The following CACNA1E variants were observed in gnomAD, a reference collection of about 807,000 sequenced individuals.
CACNA1E encodes calcium voltage-gated channel subunit alpha1 E.
Under a neutral mutation model 259.2 loss-of-function variants are expected in CACNA1E, and 40 were observed. The observed-to-expected ratio is 0.15, with a 90% CI of 0.12 to 0.20. The LOEUF is 0.20. CACNA1E is among the 10% of genes least tolerant of loss of function. The pLI is 1.00. For synonymous variants in CACNA1E, 1,104 were observed against 1,138.5 expected (o/e 0.97, Z 0.61); for missense variants, 1,874 against 3,040.1 (o/e 0.62, Z 9.02).
In CACNA1E at chr1:181,775,976, C is replaced by G. The variant is rs1293761775; in HGVS notation, c.5140-125C>G. On this transcript the variant is annotated intron_variant, in intron 37 of 47. Transcript: ENST00000367573. The stretch of plus-strand genomic sequence containing the variant: ...TGCAGATCCCTGACTATTCCCTGTC[C>G]CTGCATACCTCTGTTCTGGCTCGTT... The G allele has an allele frequency of 7.3e-6, 6 of 820,222 alleles. No individual in the cohort carries two copies. In the East Asian group the frequency reaches 1.5e-4, roughly 20 times the overall value. 50.8% of individuals were successfully genotyped at this position (820,222 alleles called of 1,614,324 possible). A position where few individuals can be genotyped will look rare whatever the true frequency, so the allele number is the denominator to read the frequency against.
At chr1:181,475,702 C>T (rs544055142) in intron 2 of CACNA1E, among the ~76,000 whole-genome samples, 5 of 152,240 alleles carry the variant, frequency 3.3e-5, no homozygotes, top group South Asian at 4.1e-4. Context: ...GGGGAGCCAC[C>T]GAAGTGATGA....
At chr1:181,347,588 T>C (rs1403015196) in intron 1 of CACNA1E, among the ~76,000 whole-genome samples, 1 of 152,214 alleles carries the variant, frequency 6.6e-6, no homozygotes, top group Non-Finnish European at 1.5e-5. Context: ...GAAAGGCCCA[T>C]GCCTGCCTCT....
rs145129879 is a variant in CACNA1E, at chr1:181,781,966, T to A, written c.5364+443T>A. Among the ~76,000 whole-genome samples the A allele has an allele frequency of 2.8e-3, 421 of 152,268 alleles. 6 individuals are homozygous for A. Among genetic ancestry groups the A allele is most frequent in the Admixed American group, 8.2e-3 (126 of 15,302 alleles). On this transcript the variant is annotated intron_variant, in intron 39 of 47. Transcript: ENST00000367573. Reference sequence around the variant, plus strand: ...AATCATGCAGAAATTCCTTTAAACGTGGAATTGTTAGGAGAAAGGAAAATT... The same window carrying A: ...AATCATGCAGAAATTCCTTTAAACGAGGAATTGTTAGGAGAAAGGAAAATT...
rs1216883641 is a variant in CACNA1E at position 181,710,478 on chromosome 1, C to T, written c.1056-476C>T. 3.3e-5 allele frequency among the ~76,000 whole-genome samples: 5 copies of T among 152,132 alleles called. No individual in the cohort carries two copies. In the East Asian group the frequency reaches 9.6e-4, roughly 29 times the overall value. ...AATGGGAATTTTAATAGTATTAATACTTCATAGGATGGTCGTGAGGATGAA... is the reference window on the plus strand; with the variant it reads ...AATGGGAATTTTAATAGTATTAATATTTCATAGGATGGTCGTGAGGATGAA... On this transcript the variant is annotated intron_variant, in intron 7 of 47. Coordinates refer to ENST00000367573, the MANE Select transcript of CACNA1E (RefSeq NM_001205293.3).
intron 25 of CACNA1E, among the ~76,000 whole-genome samples, chr1:181,743,841 C>T (rs536639315): frequency 3.3e-5 from 5 of 152,346 alleles, no homozygotes; most frequent in South Asian, 4.1e-4. Flanking sequence ...TATAATTGAT[C>T]GTCAGCACAG....
At chr1:181,566,323 G>T (rs1420113171) in intron 3 of CACNA1E, among the ~76,000 whole-genome samples, 1 of 152,180 alleles carries the variant, frequency 6.6e-6, no homozygotes, top group African/African-American at 2.4e-5. Flanking sequence ...ATAAAATTGG[G>T]ATAGTGGTAC....
chr1:181,629,105 C>T (rs954849534), intron 6 of CACNA1E, among the ~76,000 whole-genome samples: 1 of 152,072 alleles, frequency 6.6e-6, no homozygotes, highest in African/African-American at 2.4e-5. Flanking sequence ...CTTCCCAGGG[C>T]AGGGGTTACT....
chr1:181,586,406 C>T (rs1186694119), intron 6 of CACNA1E, among the ~76,000 whole-genome samples: 1 of 152,050 alleles, frequency 6.6e-6, no homozygotes, highest in Non-Finnish European at 1.5e-5. Flanking sequence ...TGGCCAAAAC[C>T]ACCAAGGAAG....
In CACNA1E at chr1:181,510,136, T is replaced by G. The variant is rs1004411025; in HGVS notation, c.267-341T>G. Among the ~76,000 whole-genome samples the G allele has an allele frequency of 6.6e-5, 10 of 152,310 alleles. 1 individual carries two copies. The East Asian group carries it at 1.2e-3, about 18-fold the overall frequency. Reference sequence around the variant, plus strand: ...ATGTTTCTTCCTCCTTTCTTCCCCCTTCTATTTTCAGCCTTGGTTATTGGA... The same window carrying G: ...ATGTTTCTTCCTCCTTTCTTCCCCCGTCTATTTTCAGCCTTGGTTATTGGA... On this transcript the variant is annotated intron_variant, in intron 1 of 47. Coordinates refer to ENST00000367573, the MANE Select transcript of CACNA1E (RefSeq NM_001205293.3).
At chr1:181,720,908 A>T (rs1654359674) in intron 15 of CACNA1E, 53 bp downstream of exon 15, 1 of 1,081,800 alleles carries the variant, frequency 9.2e-7, no homozygotes, top group Admixed American at 1.9e-5. Context: ...CTTGGACTGC[A>T]CACTGCAAGA....
intron 6 of CACNA1E, among the ~76,000 whole-genome samples, chr1:181,613,563 C>T (rs1654942554): frequency 2.0e-5 from 3 of 152,066 alleles, no homozygotes; most frequent in African/African-American, 7.2e-5. Context: ...TTCTTGTTGT[C>T]CAGGCCTTCT....
At chr1:181,364,199 T>A (rs911849141) in intron 1 of CACNA1E, among the ~76,000 whole-genome samples, 1 of 152,224 alleles carries the variant, frequency 6.6e-6, no homozygotes, top group African/African-American at 2.4e-5. Flanking sequence ...ATCAAAGCCT[T>A]CCCTGACTCT....
chr1:181,383,124 G>T (rs1655585370), intron 1 of CACNA1E, among the ~76,000 whole-genome samples: 2 of 152,196 alleles, frequency 1.3e-5, no homozygotes, highest in Admixed American at 1.3e-4. Flanking sequence ...TCCCCCCGGG[G>T]CCGCATCTCT....
intron 1 of CACNA1E, among the ~76,000 whole-genome samples, chr1:181,346,115 G>A (rs147278450): frequency 3.9e-5 from 6 of 152,316 alleles, no homozygotes; most frequent in Non-Finnish European, 8.8e-5. Flanking sequence ...GTGCTGGGGG[G>A]CACTGAAGGT....
At position 181,726,099 on chromosome 1, in the gene CACNA1E, A is replaced by T. The variant is rs2102509840; in HGVS notation, c.2177A>T (p.Lys726Ile). The T allele has an allele frequency of 1.2e-6, 2 of 1,613,168 alleles. No homozygotes were observed. Among genetic ancestry groups the T allele is most frequent in the Non-Finnish European group, 1.7e-6 (2 of 1,179,534 alleles). Residue 726 changes from lysine (K) to isoleucine (I), a missense_variant, in exon 18 of 48, where the codon AAA becomes ATA. By Grantham distance (102) the Lys-to-Ile change is moderately radical (BLOSUM62 -3). This residue lies in a region of CACNA1E where 102 missense variants were observed against 279.4 expected (regional missense o/e 0.37). Transcript: ENST00000367573. Reference protein sequence around the residue: ...EQEEEEAFNQKHALQKAKEVS... With the variant: ...EQEEEEAFNQIHALQKAKEVS... ...GAGGAAGAAGAGGCCTTCAACCAGA[A>T]ACATGCACTGCAGAAGGCCAAGGAG...
At chr1:181,727,954 G>A (rs1487071413) in intron 18 of CACNA1E, among the ~76,000 whole-genome samples, 2 of 152,086 alleles carry the variant, frequency 1.3e-5, no homozygotes, top group African/African-American at 4.8e-5. Flanking sequence ...CGGCCATCAT[G>A]TTGCCTTTGC....
intron 6 of CACNA1E, among the ~76,000 whole-genome samples, chr1:181,647,075 TTGGGAGA>T (rs1396205522): frequency 6.6e-6 from 1 of 151,940 alleles, no homozygotes; most frequent in African/African-American, 2.4e-5. Context: ...GGGGAGGGTG[TTGGGAGA>T]TGGGAGGAGC....
chr1:181,748,770 G>C (rs1295869384), intron 25 of CACNA1E, among the ~76,000 whole-genome samples: 1 of 152,140 alleles, frequency 6.6e-6, no homozygotes, highest in Non-Finnish European at 1.5e-5. Flanking sequence ...TAATGTGCTT[G>C]TTTACTTGAG....
chr1:181,322,383 C>T (rs1412835076), intron 1 of CACNA1E, among the ~76,000 whole-genome samples: 2 of 152,174 alleles, frequency 1.3e-5, no homozygotes. Context: ...GAGCCTGGAA[C>T]TAGGCCATTG....
Sources: allele counts gnomAD v4.1 joint callset (sites outside exome capture counted in the v4.1 genomes callset), GRCh38; gene constraint gnomAD v4.1.1; regional missense constraint gnomAD v4.1.1; transcripts MANE v1.5; gene names NCBI Gene and HGNC (gene_info 2026-07-23, HGNC 2026-07-21).